MICU2: variants seen among roughly 807,000 people sequenced by gnomAD.
The protein encoded by MICU2 is mitochondrial calcium uptake 2, also known as calcium uptake protein 2, mitochondrial.
A neutral mutation model predicts 60.4 loss-of-function variants in MICU2; 64 were observed. The observed-to-expected ratio is 1.06, with a 90% CI of 0.87 to 1.31. MICU2 has a LOEUF of 1.31. MICU2 is among the 50% of genes most tolerant of loss of function. MICU2 has a pLI of 0.00. For missense variants in MICU2, 569 were observed against 531.0 expected, an observed-to-expected ratio of 1.07 and a Z score of -0.70; for synonymous variants, 201 against 175.0, an observed-to-expected ratio of 1.15 and a Z score of -1.17.
chr13:21,506,689 C>T (rs930904271), intron 8 of MICU2, among the ~76,000 whole-genome samples: 2 of 152,110 alleles, frequency 1.3e-5, no homozygotes, highest in Admixed American at 6.5e-5. Context: ...CATCCTTTTC[C>T]CCACCCTCTT....
chr13:21,542,831 C>G (rs1337135285), intron 2 of MICU2, among the ~76,000 whole-genome samples: 1 of 152,094 alleles, frequency 6.6e-6, no homozygotes, highest in African/African-American at 2.4e-5. Flanking sequence ...GGTAAGTGAG[C>G]CTTTTAATAC....
At chr13:21,522,687 A>G (rs774358962) in intron 4 of MICU2, 37 bp from the exon 5 acceptor site, 1 of 1,490,106 alleles carries the variant, frequency 6.7e-7, no homozygotes, top group Non-Finnish European at 9.2e-7. Flanking sequence ...AATAAGCTTT[A>G]GATGGTTTAG....
intron 4 of MICU2, chr13:21,530,945 T>A: frequency 1.3e-6 from 1 of 766,834 alleles, no homozygotes; most frequent in Non-Finnish European, 2.4e-6. Flanking sequence ...AATCCTGTGG[T>A]CCAGATCATT....
chr13:21,576,585 A>T (rs966036891), intron 1 of MICU2, among the ~76,000 whole-genome samples: 1 of 152,094 alleles, frequency 6.6e-6, no homozygotes. Context: ...ACAGTTTGTG[A>T]CTGCAGTAGG....
intron 6 of MICU2, among the ~76,000 whole-genome samples, chr13:21,517,326 C>A (rs945949781): frequency 6.6e-6 from 1 of 152,272 alleles, no homozygotes; most frequent in African/African-American, 2.4e-5. Flanking sequence ...TAAAGTGATT[C>A]TCATTACTTT....
chr13:21,511,199 G>T (rs1886420354), intron 7 of MICU2, among the ~76,000 whole-genome samples: 1 of 152,126 alleles, frequency 6.6e-6, no homozygotes, highest in Admixed American at 6.5e-5. Context: ...TCAACAAAAT[G>T]GTGGAGCAAA....
At chr13:21,573,503 A>C (rs1888160135) in intron 1 of MICU2, among the ~76,000 whole-genome samples, 2 of 152,102 alleles carry the variant, frequency 1.3e-5, no homozygotes, top group Non-Finnish European at 2.9e-5. Context: ...TGATCTCCTG[A>C]GCTAGTGATC....
intron 7 of MICU2, among the ~76,000 whole-genome samples, chr13:21,511,130 A>G (rs1886418743): frequency 6.6e-6 from 1 of 152,216 alleles, no homozygotes; most frequent in Non-Finnish European, 1.5e-5. Context: ...GAGAAAGCAG[A>G]GTCTAGGTGC....
intron 9 of MICU2, 121 bp downstream of exon 9, chr13:21,502,805 A>G: frequency 1.1e-6 from 1 of 896,424 alleles, no homozygotes. Flanking sequence ...ACATTCCTCA[A>G]GTTGATTTTA....
chr13:21,560,623 AACACAC>A (rs67873561), intron 2 of MICU2, among the ~76,000 whole-genome samples: 2 of 134,886 alleles, frequency 1.5e-5, no homozygotes, highest in Non-Finnish European at 1.8e-5. Flanking sequence ...CTTGTCAAAA[AACACAC>A]ACACACACAC....
chr13:21,515,861 A>G (rs191319504), intron 6 of MICU2, among the ~76,000 whole-genome samples: 2,078 of 152,274 alleles, frequency 0.014, 32 homozygotes, highest in African/African-American at 0.042. Flanking sequence ...AAAAAGCTTT[A>G]TATTTATTTT....
At chr13:21,547,500 A>G (rs1414435665) in intron 2 of MICU2, among the ~76,000 whole-genome samples, 2 of 152,176 alleles carry the variant, frequency 1.3e-5, no homozygotes, top group Non-Finnish European at 2.9e-5. Context: ...CATGAATTCT[A>G]TTAATGTAAT....
At chr13:21,502,821 C>T in intron 9 of MICU2, 105 bp downstream of exon 9, 2 of 1,046,798 alleles carry the variant, frequency 1.9e-6, no homozygotes, top group East Asian at 2.5e-5. Context: ...TTTTATATAC[C>T]ATCGAGGGTA....
chr13:21,592,874 A>C (rs567702949), intron 1 of MICU2, among the ~76,000 whole-genome samples: 2 of 152,352 alleles, frequency 1.3e-5, no homozygotes, highest in East Asian at 3.9e-4. Context: ...TCTCAAAATA[A>C]TAAGAGCTAT....
intron 2 of MICU2, among the ~76,000 whole-genome samples, chr13:21,556,111 T>C (rs1887701376): frequency 6.6e-6 from 1 of 152,154 alleles, no homozygotes; most frequent in African/African-American, 2.4e-5. Context: ...GTCTTTTGTT[T>C]TTCCCCCATT....
chr13:21,554,428 G>C (rs952311728), intron 2 of MICU2, among the ~76,000 whole-genome samples: 28 of 152,276 alleles, frequency 1.8e-4, no homozygotes, highest in African/African-American at 6.7e-4. Flanking sequence ...GCTCCTGAAT[G>C]ACTACTGGGT....
intron 8 of MICU2, among the ~76,000 whole-genome samples, chr13:21,504,266 A>T (rs768970314): frequency 1.3e-5 from 2 of 152,082 alleles, no homozygotes; most frequent in Non-Finnish European, 2.9e-5. Context: ...AATGACATTC[A>T]ACTGATTCTT....
In MICU2 at chr13:21,522,490, A is replaced by G. The variant is rs1464734495; in HGVS notation, c.514+113T>C. ...TATCATTTTGCAGATATAGAAACTA[A>G]GGCATCAATAATGTTTTTAATGATA... On this transcript the variant is annotated intron_variant, in intron 5 of 11. Transcript: ENST00000382374. The G allele has an allele frequency of 5.3e-6, 4 of 749,170 alleles. No homozygotes were observed. The African/African-American group carries it at 5.4e-5, about 10-fold the overall frequency. 46.4% of individuals were successfully genotyped at this position (749,170 alleles called of 1,614,324 possible). A position where few individuals can be genotyped will look rare whatever the true frequency, so the allele number is the denominator to read the frequency against.
chr13:21,603,663 TG>T, intron 1 of MICU2: 1 of 525,518 alleles, frequency 1.9e-6, no homozygotes, highest in Non-Finnish European at 3.4e-6. Flanking sequence ...ACTAAATTAG[TG>T]CGGCCAGTTT....
Sources: allele counts gnomAD v4.1 joint callset (sites outside exome capture counted in the v4.1 genomes callset), GRCh38; gene constraint gnomAD v4.1.1; transcripts MANE v1.5; gene names NCBI Gene and HGNC (gene_info 2026-07-23, HGNC 2026-07-21).